NAALADL2: variants seen among roughly 807,000 people sequenced by gnomAD.
The protein encoded by NAALADL2 is N-acetylated alpha-linked acidic dipeptidase like 2.
A neutral mutation model predicts 87.2 loss-of-function variants in NAALADL2; 76 were observed. The observed-to-expected ratio is 0.87, with a 90% confidence interval of 0.72 to 1.05. The LOEUF is 1.05. Ranked by LOEUF, NAALADL2 falls within the 50% of genes least tolerant of loss-of-function variation. The pLI is 0.00. For missense variants in NAALADL2, 1,089 were observed against 945.8 expected (o/e 1.15, Z -1.99); for synonymous variants, 354 against 331.0 (o/e 1.07, Z -0.75).
chr3:175,747,378 G>A (rs1746059724), intron 12 of NAALADL2, among the ~76,000 whole-genome samples: 1 of 152,132 alleles, frequency 6.6e-6, no homozygotes, highest in Non-Finnish European at 1.5e-5. Context: ...ATTGAAATCT[G>A]TGAGTGACTT....
chr3:174,685,746 G>A (rs182413638), intron 2 of NAALADL2, among the ~76,000 whole-genome samples: 4 of 152,178 alleles, frequency 2.6e-5, no homozygotes, highest in East Asian at 3.9e-4. Flanking sequence ...TGGGGGTTTA[G>A]TGTACCGATT....
At chr3:174,579,282 T>G (rs1578215952) in intron 2 of NAALADL2, among the ~76,000 whole-genome samples, 2 of 151,968 alleles carry the variant, frequency 1.3e-5, no homozygotes, top group African/African-American at 4.8e-5. Flanking sequence ...GCTTTACCAA[T>G]AATGGACCTA....
intron 4 of NAALADL2, among the ~76,000 whole-genome samples, chr3:175,262,492 A>G (rs1220702579): frequency 2.0e-5 from 3 of 151,988 alleles, no homozygotes; most frequent in Non-Finnish European, 4.4e-5. Context: ...TTAATTAGTT[A>G]GCCTTAAAGA....
chr3:175,082,632 G>A (rs1280923106), intron 1 of NAALADL2, among the ~76,000 whole-genome samples: 1 of 152,076 alleles, frequency 6.6e-6, no homozygotes, highest in African/African-American at 2.4e-5. Flanking sequence ...AAAGTCAAAT[G>A]TGATTTAGTT....
At chr3:174,584,017 C>T (rs1380360213) in intron 2 of NAALADL2, among the ~76,000 whole-genome samples, 8 of 152,194 alleles carry the variant, frequency 5.3e-5, no homozygotes, top group Admixed American at 3.3e-4. Flanking sequence ...TTATCATTAT[C>T]TAAAAAGGGC....
chr3:174,750,781 C>T (rs1385814490), intron 3 of NAALADL2, among the ~76,000 whole-genome samples: 1 of 152,128 alleles, frequency 6.6e-6, no homozygotes, highest in Non-Finnish European at 1.5e-5. Context: ...AGTATCCACT[C>T]ATTGCTCTCT....
chr3:175,584,912 A>G (rs780261510), intron 10 of NAALADL2, among the ~76,000 whole-genome samples: 16 of 152,150 alleles, frequency 1.1e-4, no homozygotes, highest in Non-Finnish European at 1.5e-4. Context: ...GTGCACTATT[A>G]AAGACTTAAT....
intron 1 of NAALADL2, among the ~76,000 whole-genome samples, chr3:174,549,833 C>G (rs1457684009): frequency 1.3e-5 from 2 of 152,144 alleles, no homozygotes; most frequent in African/African-American, 4.8e-5. Flanking sequence ...ACTGCAAAAC[C>G]CAGCCTCTAC....
rs182195481 is a variant in NAALADL2, at chr3:174,780,517, T to C, written c.-9+42771T>C. Among the ~76,000 whole-genome samples the C allele has an allele frequency of 6.6e-4, 101 of 152,308 alleles. 1 individual carries two copies. Among genetic ancestry groups the C allele is most frequent in the Admixed American group, 1.7e-3 (26 of 15,292 alleles). ...GCCCTGGCCAGAACTTCCAATATTA[T>C]GTTGAATAGGAGTGGTGAGAGAGGC... On this transcript the variant is annotated intron_variant, in intron 3 of 3. Coordinates refer to the NAALADL2 transcript ENST00000434257.
At position 174,597,750 on chromosome 3, in the gene NAALADL2, T is replaced by G. The variant is rs1026806168; in HGVS notation, c.-115+47113T>G. On this transcript the variant is annotated intron_variant, in intron 2 of 3. Transcript: ENST00000434257. ...AAGTCTTTGGGAGCATAATTTGTAT[T>G]GCAATTAATGTGCTGAATTTTTAAT... Among the ~76,000 whole-genome samples, 11 of 152,308 alleles carry G rather than the reference T, an allele frequency of 7.2e-5. No individual in the cohort carries two copies. In the South Asian group the frequency reaches 1.2e-3, roughly 17 times the overall value.
intron 1 of NAALADL2, among the ~76,000 whole-genome samples, chr3:174,504,427 C>G (rs1339149666): frequency 6.6e-6 from 1 of 151,978 alleles, no homozygotes; most frequent in African/African-American, 2.4e-5. Context: ...AGACATGGCT[C>G]TACATGCAAT....
chr3:174,541,161 T>A (rs1380974653), intron 1 of NAALADL2, among the ~76,000 whole-genome samples: 6 of 152,210 alleles, frequency 3.9e-5, no homozygotes, highest in Non-Finnish European at 5.9e-5. Flanking sequence ...CAGGTAACAT[T>A]AATTTCAAAG....
At chr3:174,450,097 G>A (rs940974152) in intron 1 of NAALADL2, among the ~76,000 whole-genome samples, 15 of 151,684 alleles carry the variant, frequency 9.9e-5, no homozygotes, top group African/African-American at 3.6e-4. Flanking sequence ...TACATAACAA[G>A]GCAAGGCAGA....
chr3:175,667,303 T>C (rs1032560621), intron 11 of NAALADL2, among the ~76,000 whole-genome samples: 1 of 152,088 alleles, frequency 6.6e-6, no homozygotes, highest in South Asian at 2.1e-4. Context: ...TTAAATTGAC[T>C]AATTTCTATT....
At chr3:175,361,130 G>C (rs946163746) in intron 5 of NAALADL2, among the ~76,000 whole-genome samples, 1 of 151,444 alleles carries the variant, frequency 6.6e-6, no homozygotes, top group Non-Finnish European at 1.5e-5. Context: ...TTGGTTTTCT[G>C]TCCTTCTGGT....
chr3:174,788,622 G>T (rs536260033), intron 3 of NAALADL2, among the ~76,000 whole-genome samples: 2 of 152,180 alleles, frequency 1.3e-5, no homozygotes, highest in Non-Finnish European at 2.9e-5. Flanking sequence ...ACCTTTTAAA[G>T]GCCCTATCTC....
chr3:175,710,856 A>G (rs1006983714), intron 11 of NAALADL2, among the ~76,000 whole-genome samples: 2 of 151,846 alleles, frequency 1.3e-5, no homozygotes, highest in East Asian at 1.9e-4. Flanking sequence ...CTCTCTAAAA[A>G]CAGATTTAAT....
intron 5 of NAALADL2, among the ~76,000 whole-genome samples, chr3:175,358,135 A>G (rs963203948): frequency 6.6e-6 from 1 of 152,200 alleles, no homozygotes; most frequent in Non-Finnish European, 1.5e-5. Context: ...CATAGAGCTA[A>G]GCAATAGAAG....
chr3:175,318,911 C>T (rs1269573446), intron 4 of NAALADL2, among the ~76,000 whole-genome samples: 1 of 152,196 alleles, frequency 6.6e-6, no homozygotes, highest in Non-Finnish European at 1.5e-5. Context: ...TGCCTTCTTT[C>T]ATTTAGCATG....
Sources: gnomAD v4.1 joint callset for allele counts (sites outside exome capture counted in the v4.1 genomes callset) on GRCh38, gnomAD v4.1.1 for gene constraint, MANE v1.5 for transcripts, NCBI Gene and HGNC (gene_info 2026-07-23, HGNC 2026-07-21) for gene names.